CEP112: variants seen among roughly 807,000 people sequenced by gnomAD.
CEP112 encodes centrosomal protein of 112 kDa.
Under a neutral mutation model 153.0 loss-of-function variants are expected in CEP112, and 127 were observed. The ratio of observed to expected loss-of-function variants is 0.83; its 90% confidence interval spans 0.72 to 0.96. The LOEUF is 0.96. Among genes scored for constraint, CEP112 ranks in the 40% least tolerant of loss-of-function variants. The probability of loss-of-function intolerance (pLI) is 0.00; values close to 1 mark genes in which losing one functional copy is unlikely to be tolerated. For missense variants in CEP112, 1,089 were observed against 1,101.2 expected (o/e 0.99, Z 0.16); for synonymous variants, 358 against 374.4 (o/e 0.96, Z 0.51).
chr17:65,989,478 G>GAAA (rs35229880), intron 17 of CEP112, among the ~76,000 whole-genome samples: 355 of 146,792 alleles, frequency 2.4e-3, no homozygotes, highest in Non-Finnish European at 2.9e-3. Context: ...AGTTCAGAAA[G>GAAA]AAAAAAAAAA....
At chr17:65,949,704 A>G (rs1363357907) in intron 18 of CEP112, among the ~76,000 whole-genome samples, 1 of 152,192 alleles carries the variant, frequency 6.6e-6, no homozygotes, top group Non-Finnish European at 1.5e-5. Context: ...GCATTCAACA[A>G]AACAGTCAGA....
intron 21 of CEP112, among the ~76,000 whole-genome samples, chr17:65,814,383 ATG>A (rs2056150274): frequency 6.6e-6 from 1 of 152,184 alleles, no homozygotes; most frequent in Non-Finnish European, 1.5e-5. Context: ...CATGTGGATA[ATG>A]GAGTGAGTGG....
intron 6 of CEP112, among the ~76,000 whole-genome samples, chr17:66,116,763 T>C (rs1454297912): frequency 6.6e-6 from 1 of 152,180 alleles, no homozygotes; most frequent in Non-Finnish European, 1.5e-5. Flanking sequence ...CCCATTCTTT[T>C]AGTTGGTCTT....
intron 21 of CEP112, among the ~76,000 whole-genome samples, chr17:65,756,249 CA>C (rs2052257492): frequency 1.3e-5 from 2 of 151,336 alleles, no homozygotes; most frequent in Admixed American, 1.3e-4. Context: ...ACTAAAAATA[CA>C]AAAAAATTAG....
chr17:65,764,472 T>C (rs184811973), intron 21 of CEP112, among the ~76,000 whole-genome samples: 208 of 152,380 alleles, frequency 1.4e-3, no homozygotes, highest in African/African-American at 4.6e-3. Context: ...CTAATATATA[T>C]TTACACTTGT....
chr17:66,181,839 A>C (rs2072735283), intron 2 of CEP112: 1 of 152,238 alleles, frequency 6.6e-6, no homozygotes, highest in African/African-American at 2.4e-5. Flanking sequence ...AATAATCATG[A>C]ACAAGTCATA....
chr17:65,941,911 G>A (rs2061517189), intron 18 of CEP112, among the ~76,000 whole-genome samples: 1 of 152,030 alleles, frequency 6.6e-6, no homozygotes. Context: ...AGTCTTCCAA[G>A]TAGCTGGGAT....
chr17:65,991,484 A>C (rs1252017619), intron 17 of CEP112, among the ~76,000 whole-genome samples: 1 of 137,520 alleles, frequency 7.3e-6, no homozygotes, highest in African/African-American at 2.5e-5. Flanking sequence ...TATATGCATC[A>C]GTTAAAAACA....
chr17:65,824,951 T>G (rs1404256601), intron 21 of CEP112, among the ~76,000 whole-genome samples: 1 of 152,178 alleles, frequency 6.6e-6, no homozygotes, highest in Non-Finnish European at 1.5e-5. Context: ...AACAGAATTA[T>G]ATCGACCAAT....
At chr17:65,753,116 T>C (rs1352653631) in intron 21 of CEP112, among the ~76,000 whole-genome samples, 3 of 152,194 alleles carry the variant, frequency 2.0e-5, no homozygotes, top group Non-Finnish European at 4.4e-5. Flanking sequence ...CCACTACCTT[T>C]AGTTGGAAGC....
At position 65,961,538 on chromosome 17, in the gene CEP112, T is replaced by A; in HGVS notation, c.1797A>T (p.Ala599=). Residue 599 remains alanine, a synonymous_variant, in exon 18 of 27, where the codon GCA becomes GCT. Transcript: ENST00000535342. ...GCTTAAACTCTTCCAGAGCGGCATCTGCCTGCTGGGCCTGCAACCTCTGAA... is the reference window on the plus strand; with the variant it reads ...GCTTAAACTCTTCCAGAGCGGCATCAGCCTGCTGGGCCTGCAACCTCTGAA... ...TEVQRLQAQQ[A]DAALEEFKRQ... 6.2e-7 allele frequency: 1 copy of A among 1,613,812 alleles called. No homozygotes were observed. Among genetic ancestry groups the A allele is most frequent in the Non-Finnish European group, 8.5e-7 (1 of 1,179,718 alleles).
chr17:65,833,982 G>C (rs763524035), intron 21 of CEP112, among the ~76,000 whole-genome samples: 2 of 152,088 alleles, frequency 1.3e-5, no homozygotes, highest in African/African-American at 4.8e-5. Context: ...AAAACAGCCT[G>C]GTACTGGTAC....
chr17:65,958,241 T>C (rs2062067085), intron 18 of CEP112, among the ~76,000 whole-genome samples: 1 of 152,234 alleles, frequency 6.6e-6, no homozygotes, highest in African/African-American at 2.4e-5. Context: ...ATATATTATA[T>C]GAGCTCTTAT....
intron 24 of CEP112, among the ~76,000 whole-genome samples, chr17:65,652,450 T>A (rs1420671102): frequency 2.0e-5 from 3 of 152,112 alleles, no homozygotes; most frequent in Non-Finnish European, 4.4e-5. Context: ...TAGTTATCAT[T>A]ATATGACTTA....
Position 65,636,081 on chromosome 17 carries a change from T to A in CEP112, c.2865-107A>T, listed in dbSNP as rs2044751738. Reference sequence around the variant, plus strand: ...AGTTGATAGGGGTTGAAAAGGCTATTTGATATCAAAATGTCATAATTTATG... The same window carrying A: ...AGTTGATAGGGGTTGAAAAGGCTATATGATATCAAAATGTCATAATTTATG... On this transcript the variant is annotated intron_variant, in intron 26 of 26. Transcript: ENST00000535342. 4.8e-6 allele frequency: 5 copies of A among 1,039,106 alleles called. No individual in the cohort carries two copies. In the Admixed American group the frequency reaches 8.5e-5, roughly 18 times the overall value. The allele number at this position is 1,039,106 out of a possible 1,614,324, so 64.4% of individuals were successfully genotyped here.
intron 4 of CEP112, among the ~76,000 whole-genome samples, chr17:66,165,593 A>C (rs1443350753): frequency 1.3e-5 from 2 of 152,252 alleles, no homozygotes; most frequent in Non-Finnish European, 2.9e-5. Flanking sequence ...TTACATATAA[A>C]AGTGGAGTTT....
At chr17:66,009,938 A>G (rs1000335363) in intron 16 of CEP112, among the ~76,000 whole-genome samples, 6 of 152,156 alleles carry the variant, frequency 3.9e-5, no homozygotes, top group African/African-American at 1.4e-4. Flanking sequence ...TGTCTTGGAT[A>G]TTCAATCTCT....
At chr17:65,785,964 C>T (rs1364222314) in intron 21 of CEP112, among the ~76,000 whole-genome samples, 1 of 152,004 alleles carries the variant, frequency 6.6e-6, no homozygotes, top group African/African-American at 2.4e-5. Flanking sequence ...CTAAAAAAGG[C>T]AGTTGGGATT....
chr17:65,944,173 A>T (rs1421323412), intron 18 of CEP112, among the ~76,000 whole-genome samples: 1 of 152,220 alleles, frequency 6.6e-6, no homozygotes, highest in Admixed American at 6.5e-5. Flanking sequence ...ACACATAGAC[A>T]CAGGGAGGGG....
Sources: gnomAD v4.1 joint callset for allele counts (sites outside exome capture counted in the v4.1 genomes callset) on GRCh38, gnomAD v4.1.1 for gene constraint, MANE v1.5 for transcripts, NCBI Gene and HGNC (gene_info 2026-07-23, HGNC 2026-07-21) for gene names.